The following PRH1 variants were observed in gnomAD, a reference collection of about 807,000 sequenced individuals.
The protein encoded by PRH1 is proline rich protein HaeIII subfamily 1.
In PRH1, 7 loss-of-function variants were observed where a neutral mutation model predicts 7.9. The ratio of observed to expected loss-of-function variants is 0.89; its 90% confidence interval spans 0.50 to 1.67. The LOEUF (loss-of-function observed/expected upper bound fraction) is 1.67, where lower values mean the gene tolerates loss of function less well. Among genes scored for constraint, PRH1 ranks in the 40% most tolerant of loss-of-function variants. The probability of loss-of-function intolerance (pLI) is 0.00; values close to 1 mark genes in which losing one functional copy is unlikely to be tolerated. For synonymous variants in PRH1, 45 were observed against 80.8 expected, an observed-to-expected ratio of 0.56 and a Z score of 2.38; for missense variants, 109 against 223.6, an observed-to-expected ratio of 0.49 and a Z score of 3.27.
At chr12:11,004,619 T>C (rs938086876) in intron 1 of PRH1, among the ~76,000 whole-genome samples, 1 of 152,142 alleles carries the variant, frequency 6.6e-6, no homozygotes, top group African/African-American at 2.4e-5. Context: ...TATAATTTCA[T>C]GCACATTTAT....
At chr12:11,070,346 C>G (rs1168565890) in intron 1 of PRH1, among the ~76,000 whole-genome samples, 1 of 151,724 alleles carries the variant, frequency 6.6e-6, no homozygotes, top group Non-Finnish European at 1.5e-5. Flanking sequence ...AAACACACTG[C>G]GCATGCTCAC....
intron 1 of PRH1, among the ~76,000 whole-genome samples, chr12:11,023,204 G>A (rs148679471): frequency 0.031 from 4,715 of 152,170 alleles, 92 homozygotes; most frequent in Non-Finnish European, 0.048. Context: ...AAATTGATAT[G>A]ACATCATTGT....
chr12:10,891,882 C>T (rs1203511133), intron 2 of PRH1: 2 of 152,180 alleles, frequency 1.3e-5, no homozygotes, highest in Non-Finnish European at 2.9e-5. Context: ...GTCCATCTTG[C>T]CTTCTGAAGA....
chr12:10,942,602 G>A (rs1163474241), intron 2 of PRH1, among the ~76,000 whole-genome samples: 3 of 152,194 alleles, frequency 2.0e-5, no homozygotes, highest in Admixed American at 6.5e-5. Context: ...CAGTCGGCAA[G>A]CAGGGCTGAG....
chr12:11,057,110 A>T (rs753367235), intron 1 of PRH1, among the ~76,000 whole-genome samples: 1 of 152,062 alleles, frequency 6.6e-6, no homozygotes, highest in African/African-American at 2.4e-5. Context: ...GGGCTCAAGC[A>T]ATCCTCCTGC....
At chr12:11,059,903 T>TC (rs1943513985) in intron 1 of PRH1, among the ~76,000 whole-genome samples, 1 of 152,148 alleles carries the variant, frequency 6.6e-6, no homozygotes, top group Non-Finnish European at 1.5e-5. Context: ...GACCATCTAT[T>TC]CTTGTTGCTG....
chr12:10,978,817 G>A (rs1939222010), intron 1 of PRH1, among the ~76,000 whole-genome samples: 2 of 152,038 alleles, frequency 1.3e-5, no homozygotes, highest in South Asian at 4.1e-4. Context: ...ATGAAAAAAT[G>A]CTCAATATGA....
At chr12:11,125,684 G>T (rs549885673) in intron 1 of PRH1, among the ~76,000 whole-genome samples, 2 of 150,010 alleles carry the variant, frequency 1.3e-5, no homozygotes, top group African/African-American at 4.9e-5. Context: ...TTAGAAAATT[G>T]TCCTGTATAT....
chr12:10,953,950 C>T (rs1282844096), intron 2 of PRH1, among the ~76,000 whole-genome samples: 1 of 152,084 alleles, frequency 6.6e-6, no homozygotes, highest in Admixed American at 6.5e-5. Flanking sequence ...GAGATGGGGG[C>T]TCATATTCAG....
chr12:10,885,291 T>C (rs150066523), upstream of PRH1, among the ~76,000 whole-genome samples: 738 of 152,354 alleles, frequency 4.8e-3, 4 homozygotes, highest in Middle Eastern at 0.014. Context: ...GATTTTTATC[T>C]GTAATATTCC....
exon 2 of PRH1, chr12:10,973,674 T>C (rs778489928): frequency 2.6e-6 from 2 of 779,656 alleles, no homozygotes; most frequent in African/African-American, 1.7e-5. Context: ...CTTCCACTCT[T>C]GAGTAGATAC....
chr12:11,142,519 G>A (rs1343141775), intron 1 of PRH1, among the ~76,000 whole-genome samples: 1 of 152,122 alleles, frequency 6.6e-6, no homozygotes, highest in Non-Finnish European at 1.5e-5. Context: ...AAACACAACT[G>A]AGAGTCCAGA....
At chr12:10,894,958 G>A (rs1466940391) in intron 2 of PRH1, 2 of 152,170 alleles carry the variant, frequency 1.3e-5, no homozygotes, top group Non-Finnish European at 2.9e-5. Flanking sequence ...AAAAATGAGA[G>A]ATTATGTCCT....
chr12:11,151,783 A>G (rs1947095763), intron 1 of PRH1, among the ~76,000 whole-genome samples: 1 of 152,198 alleles, frequency 6.6e-6, no homozygotes, highest in Non-Finnish European at 1.5e-5. Context: ...TTCTATTATA[A>G]TTGGGTACTA....
At chr12:10,985,670 C>A (rs997837546) in intron 1 of PRH1, among the ~76,000 whole-genome samples, 3 of 152,062 alleles carry the variant, frequency 2.0e-5, no homozygotes, top group Non-Finnish European at 4.4e-5. Flanking sequence ...AAACTTCTTA[C>A]CATATTTTCT....
rs769438961 is a variant in PRH1 at position 11,031,307 on chromosome 12, GA to G, written c.-126+15712del. Reference sequence around the variant, plus strand: ...AACAAATAGAACCACTACCACACTGGAAAAAATGATGGGTATAAAAGTTGTC... The same window carrying G: ...AACAAATAGAACCACTACCACACTGGAAAAATGATGGGTATAAAAGTTGTC... On this transcript the variant is annotated intron_variant, in intron 1 of 3. Coordinates refer to the PRH1 transcript ENST00000539853. The G allele has an allele frequency of 5.0e-6, 8 of 1,611,274 alleles. No individual in the cohort carries two copies. In the South Asian group the frequency reaches 8.8e-5, roughly 18 times the overall value.
intron 1 of PRH1, among the ~76,000 whole-genome samples, chr12:11,020,668 T>C (rs909168181): frequency 1.3e-5 from 2 of 151,858 alleles, no homozygotes; most frequent in Non-Finnish European, 1.5e-5. Flanking sequence ...CAGATTTTTA[T>C]GTAATTTTTA....
At chr12:10,985,874 CA>C in intron 1 of PRH1, 1 of 1,327,220 alleles carries the variant, frequency 7.5e-7, no homozygotes, top group Non-Finnish European at 1.0e-6. Flanking sequence ...TAAAATGTTC[CA>C]GACACTATCA....
At chr12:10,946,138 T>C (rs896058447) in intron 2 of PRH1, among the ~76,000 whole-genome samples, 8 of 152,180 alleles carry the variant, frequency 5.3e-5, no homozygotes, top group Non-Finnish European at 1.2e-4. Context: ...GATTAAGAGA[T>C]TAACGTAAAG....
Sources: allele counts gnomAD v4.1 joint callset (sites outside exome capture counted in the v4.1 genomes callset), GRCh38; gene constraint gnomAD v4.1.1; transcripts MANE v1.5; gene names NCBI Gene and HGNC (gene_info 2026-07-23, HGNC 2026-07-21).